The following CNTNAP2 variants were observed in gnomAD, a reference collection of about 807,000 sequenced individuals.
CNTNAP2 encodes contactin-associated protein-like 2.
In CNTNAP2, 98 loss-of-function variants were observed where a neutral mutation model predicts 155.2. That is an observed-to-expected ratio of 0.63 (90% CI 0.54 to 0.75). The LOEUF (loss-of-function observed/expected upper bound fraction) is 0.75, where lower values mean the gene tolerates loss of function less well. Ranked by LOEUF, CNTNAP2 falls within the 30% of genes least tolerant of loss-of-function variation. CNTNAP2 has a pLI of 0.00. For synonymous variants in CNTNAP2, 651 were observed against 631.2 expected (o/e 1.03, Z -0.47); for missense variants, 1,727 against 1,688.1 (o/e 1.02, Z -0.40).
intron 9 of CNTNAP2, among the ~76,000 whole-genome samples, chr7:147,360,390 A>G (rs527601759): frequency 3.3e-5 from 5 of 152,226 alleles, no homozygotes; most frequent in African/African-American, 1.2e-4. Flanking sequence ...GTCTCCTGTG[A>G]TTCATATATT....
At chr7:146,605,836 TG>T (rs1028871794) in intron 1 of CNTNAP2, among the ~76,000 whole-genome samples, 3 of 152,252 alleles carry the variant, frequency 2.0e-5, no homozygotes, top group Non-Finnish European at 4.4e-5. Flanking sequence ...CTGTCTCGAA[TG>T]CTGTTGAAAA....
intron 9 of CNTNAP2, among the ~76,000 whole-genome samples, chr7:147,346,132 TATTTTATTTTATTTTA>T: frequency 2.0e-5 from 1 of 50,186 alleles, no homozygotes; most frequent in African/African-American, 1.4e-4. Context: ...TCGAAGATTT[TATTTTATTTTATTTTA>T]TTTTATTTTT....
chr7:147,642,631 C>G (rs1795298704), intron 13 of CNTNAP2, among the ~76,000 whole-genome samples: 1 of 152,126 alleles, frequency 6.6e-6, no homozygotes, highest in African/African-American at 2.4e-5. Context: ...GAGATGAAGA[C>G]ATTTTTCTTT....
chr7:148,205,463 C>T (rs942320764), intron 18 of CNTNAP2, among the ~76,000 whole-genome samples: 1 of 152,142 alleles, frequency 6.6e-6, no homozygotes, highest in Non-Finnish European at 1.5e-5. Context: ...AGTAATTGAC[C>T]AACCTCTGCA....
chr7:147,049,538 G>A (rs1269805595), intron 4 of CNTNAP2, among the ~76,000 whole-genome samples: 1 of 88,100 alleles, frequency 1.1e-5, no homozygotes, highest in Non-Finnish European at 1.9e-5. Context: ...ATAACTTTGA[G>A]TGGGGAATGT....
intron 22 of CNTNAP2, among the ~76,000 whole-genome samples, chr7:148,405,959 G>T (rs576808553): frequency 6.6e-5 from 10 of 152,020 alleles, no homozygotes; most frequent in African/African-American, 2.4e-4. Context: ...TCGGCCGGGC[G>T]CGGTGGCTCA....
intron 11 of CNTNAP2, among the ~76,000 whole-genome samples, chr7:147,505,009 T>C (rs967021903): frequency 3.5e-4 from 54 of 152,192 alleles, no homozygotes; most frequent in African/African-American, 1.2e-3. Context: ...TTTCACAGGA[T>C]AACTTTTTTC....
At chr7:146,180,597 G>A (rs1207771336) in intron 1 of CNTNAP2, among the ~76,000 whole-genome samples, 1 of 152,044 alleles carries the variant, frequency 6.6e-6, no homozygotes, top group Non-Finnish European at 1.5e-5. Context: ...CTGCTGAGGA[G>A]CTCTCTCCCA....
chr7:146,559,013 A>G (rs1584981128), intron 1 of CNTNAP2, among the ~76,000 whole-genome samples: 2 of 152,362 alleles, frequency 1.3e-5, no homozygotes, highest in Middle Eastern at 6.8e-3. Flanking sequence ...CCATAAAACT[A>G]ATATGCATTT....
intron 10 of CNTNAP2, among the ~76,000 whole-genome samples, chr7:147,407,648 A>C (rs975840916): frequency 9.6e-6 from 1 of 103,814 alleles, no homozygotes; most frequent in Non-Finnish European, 1.9e-5. Flanking sequence ...TTCTCCCAGA[A>C]CAGGTACTGA....
At chr7:147,441,406 G>A (rs1797634109) in intron 10 of CNTNAP2, among the ~76,000 whole-genome samples, 1 of 152,032 alleles carries the variant, frequency 6.6e-6, no homozygotes, top group Admixed American at 6.6e-5. Flanking sequence ...ACGGCTATTT[G>A]TGAATTATCT....
intron 1 of CNTNAP2, among the ~76,000 whole-genome samples, chr7:146,402,356 T>C (rs1211001311): frequency 6.6e-6 from 1 of 152,152 alleles, no homozygotes; most frequent in Non-Finnish European, 1.5e-5. Flanking sequence ...TATATTTTTC[T>C]CAATACAAAA....
chr7:147,174,972 A>G (rs1315636471), intron 8 of CNTNAP2, among the ~76,000 whole-genome samples: 1 of 152,176 alleles, frequency 6.6e-6, no homozygotes, highest in African/African-American at 2.4e-5. Context: ...TACATCAACC[A>G]TACCGCCGAC....
intron 4 of CNTNAP2, among the ~76,000 whole-genome samples, chr7:147,054,656 C>T (rs1173882877): frequency 1.3e-5 from 2 of 151,900 alleles, no homozygotes; most frequent in Non-Finnish European, 2.9e-5. Context: ...TTTAAATTAG[C>T]TAGGGAGAGA....
chr7:147,683,729 CTT>C (rs10716798), intron 13 of CNTNAP2, among the ~76,000 whole-genome samples: 1,378 of 134,410 alleles, frequency 0.01, 22 homozygotes, highest in African/African-American at 0.035. Context: ...CACACTCAAG[CTT>C]TTTTTTTTTT....
At chr7:146,558,528 CAT>C (rs1466715488) in intron 1 of CNTNAP2, among the ~76,000 whole-genome samples, 3 of 152,108 alleles carry the variant, frequency 2.0e-5, no homozygotes, top group Non-Finnish European at 4.4e-5. Context: ...CACAATCTGT[CAT>C]AACCCTATCC....
At position 148,217,556 on chromosome 7, in the gene CNTNAP2, T is replaced by TGGC. The variant is rs757378544; in HGVS notation, c.3247+32_3247+33insGGC. On this transcript the variant is annotated intron_variant, in intron 19 of 23. Transcript: ENST00000361727. The stretch of plus-strand genomic sequence containing the variant: ...ACAAGGATACCCAGCCTCTGCCATT[T>TGGC]AACATTTGGGCAGACAGAATGTTCT... 42 of 1,597,660 alleles carry TGGC rather than the reference T, an allele frequency of 2.6e-5. No individual in the cohort carries two copies. The East Asian group carries it at 9.2e-4, about 35-fold the overall frequency.
chr7:146,229,596 A>AT (rs145669725), intron 1 of CNTNAP2, among the ~76,000 whole-genome samples: 24 of 150,754 alleles, frequency 1.6e-4, no homozygotes, highest in South Asian at 2.1e-4. Context: ...TGTTACATTA[A>AT]TTTTTTTTTT....
intron 1 of CNTNAP2, among the ~76,000 whole-genome samples, chr7:146,245,049 C>A (rs973716061): frequency 6.6e-6 from 1 of 152,042 alleles, no homozygotes; most frequent in Non-Finnish European, 1.5e-5. Flanking sequence ...GAAATGAGAG[C>A]TTCTAAGAGG....
Sources: allele counts gnomAD v4.1 joint callset (sites outside exome capture counted in the v4.1 genomes callset), GRCh38; gene constraint gnomAD v4.1.1; transcripts MANE v1.5; gene names NCBI Gene and HGNC (gene_info 2026-07-23, HGNC 2026-07-21).